FOLH1: variants seen among roughly 807,000 people sequenced by gnomAD.
FOLH1 encodes folate hydrolase 1.
In FOLH1, 54 loss-of-function variants were observed where a neutral mutation model predicts 93.9. That is an observed-to-expected ratio of 0.57 (90% CI 0.46 to 0.72). The LOEUF is 0.72. Among genes scored for constraint, FOLH1 ranks in the 30% least tolerant of loss-of-function variants. FOLH1 has a pLI of 0.00. For synonymous variants in FOLH1, 249 were observed against 303.6 expected (o/e 0.82, Z 1.87); for missense variants, 571 against 892.5 (o/e 0.64, Z 4.59).
chr11:49,208,260 T>G lies in FOLH1; in HGVS notation c.118+32A>C, dbSNP rs552950615. The G allele has an allele frequency of 2.8e-5, 41 of 1,440,226 alleles. No individual in the cohort carries two copies. The African/African-American group carries it at 5.5e-4, about 19-fold the overall frequency. 89.2% of individuals were successfully genotyped at this position (1,440,226 alleles called of 1,614,324 possible). On this transcript the variant is annotated intron_variant, in intron 1 of 18. Coordinates refer to ENST00000256999, the MANE Select transcript of FOLH1 (RefSeq NM_004476.3). The stretch of plus-strand genomic sequence containing the variant: ...AGCACCGCGGCACCACGGGGAAGAC[T>G]CCGAGGTTTGCTCCGCGAGGCGCCC...
chr11:49,164,059 G>A (rs1348335924), intron 13 of FOLH1, among the ~76,000 whole-genome samples: 2 of 152,108 alleles, frequency 1.3e-5, no homozygotes, highest in Non-Finnish European at 2.9e-5. Context: ...TTCAGTTGAA[G>A]GTGCTGTATT....
In FOLH1 at chr11:49,199,860, G is replaced by A. The variant is rs184780340; in HGVS notation, c.411+395C>T. 8.5e-3 allele frequency among the ~76,000 whole-genome samples: 1,282 copies of A among 151,618 alleles called. 17 individuals carry two copies. The highest frequency in any genetic ancestry group is 0.03 in the African/African-American group (1,233 of 41,280). On this transcript the variant is annotated intron_variant, in intron 3 of 18. Transcript: ENST00000256999. ...TGGGAGGTGGAGGTTGCAGTGAGCC[G>A]AGATGGCACCACTGCACTCCAGCCT...
At chr11:49,195,519 G>A (rs1453382150) in intron 3 of FOLH1, among the ~76,000 whole-genome samples, 3 of 151,930 alleles carry the variant, frequency 2.0e-5, no homozygotes, top group East Asian at 1.9e-4. Context: ...ACAAAGAACA[G>A]CAAAGTAAAC....
intron 7 of FOLH1, among the ~76,000 whole-genome samples, chr11:49,182,571 T>C (rs1274228963): frequency 6.6e-6 from 1 of 152,076 alleles, no homozygotes; most frequent in East Asian, 1.9e-4. Context: ...AATACATGAG[T>C]AAGAGATTTA....
chr11:49,181,063 T>A (rs1009135391), intron 7 of FOLH1, among the ~76,000 whole-genome samples: 3 of 151,976 alleles, frequency 2.0e-5, no homozygotes, highest in African/African-American at 4.8e-5. Context: ...ATATTATGCA[T>A]CCCTCTTTTG....
chr11:49,157,480 T>G (rs1334150476), intron 14 of FOLH1, among the ~76,000 whole-genome samples: 1 of 151,988 alleles, frequency 6.6e-6, no homozygotes, highest in Non-Finnish European at 1.5e-5. Flanking sequence ...CTCACAAAAA[T>G]TAAAGATTAG....
At chr11:49,167,825 GA>G (rs1721686180) in intron 12 of FOLH1, among the ~76,000 whole-genome samples, 2 of 144,326 alleles carry the variant, frequency 1.4e-5, no homozygotes, top group African/African-American at 5.0e-5. Context: ...CAAACAAGCA[GA>G]CAAACAAAAA....
chr11:49,166,673 C>A (rs560444668), intron 12 of FOLH1, among the ~76,000 whole-genome samples: 7 of 152,028 alleles, frequency 4.6e-5, no homozygotes, highest in Non-Finnish European at 7.4e-5. Flanking sequence ...TTAGAAATTT[C>A]AGAATCTATG....
intron 17 of FOLH1, among the ~76,000 whole-genome samples, chr11:49,151,442 ACAC>A (rs1328638397): frequency 2.0e-5 from 3 of 152,208 alleles, no homozygotes; most frequent in South Asian, 2.1e-4. Flanking sequence ...ACACACACAC[ACAC>A]TTCTCTTTCT....
intron 18 of FOLH1, 27 bp downstream of exon 18, chr11:49,148,612 G>T: frequency 6.8e-7 from 1 of 1,468,568 alleles, no homozygotes; most frequent in Admixed American, 2.2e-5. Flanking sequence ...TGATATTACA[G>T]AAAGGAGTCA....
intron 3 of FOLH1, among the ~76,000 whole-genome samples, chr11:49,198,092 A>G (rs1441446810): frequency 1.3e-5 from 2 of 151,806 alleles, no homozygotes; most frequent in African/African-American, 2.4e-5. Context: ...CTTTGGTAAC[A>G]TTATGCATGT....
chr11:49,176,991 C>T (rs1203750656), intron 7 of FOLH1, among the ~76,000 whole-genome samples: 1 of 152,220 alleles, frequency 6.6e-6, no homozygotes, highest in Non-Finnish European at 1.5e-5. Context: ...GCACTCCAGG[C>T]TGTGCGGTGC....
chr11:49,154,166 T>C (rs1307829231), intron 16 of FOLH1, 62 bp downstream of exon 16: 1 of 1,575,430 alleles, frequency 6.3e-7, no homozygotes, highest in Non-Finnish European at 8.6e-7. Context: ...GATAGCCCAT[T>C]ATATTTAGGA....
intron 8 of FOLH1, among the ~76,000 whole-genome samples, chr11:49,175,586 G>C (rs1355131636): frequency 1.3e-5 from 2 of 152,078 alleles, no homozygotes; most frequent in Non-Finnish European, 2.9e-5. Context: ...TGCATCTAAG[G>C]ACTTTTATCC....
At chr11:49,185,885 T>C in intron 5 of FOLH1, 30 bp from the exon 6 acceptor site, 1 of 1,505,210 alleles carries the variant, frequency 6.6e-7, no homozygotes, top group Non-Finnish European at 8.8e-7. Flanking sequence ...TCTTTCCTTA[T>C]TTTAAATTGG....
rs910571068 is a variant in FOLH1, at chr11:49,146,287, T to C, written c.*469A>G. On this transcript the variant is annotated 3_prime_UTR_variant, in exon 19 of 19. Coordinates refer to ENST00000256999, the MANE Select transcript of FOLH1 (RefSeq NM_004476.3). ...AGAGTGATAACATTTACTAAAAGTG[T>C]GATTTGATCCATTTCCCAAATAGTG... Among the ~76,000 whole-genome samples the C allele has an allele frequency of 6.6e-6, 1 of 152,224 alleles. No homozygotes were observed. The highest frequency in any genetic ancestry group is 1.5e-5 in the Non-Finnish European group (1 of 68,036).
intron 13 of FOLH1, among the ~76,000 whole-genome samples, chr11:49,159,327 T>C (rs1325904395): frequency 1.3e-5 from 2 of 152,240 alleles, no homozygotes; most frequent in Admixed American, 6.5e-5. Flanking sequence ...TTATTGATAG[T>C]TTTTAACATG....
At chr11:49,147,018 A>G in intron 18 of FOLH1, 73 bp from the exon 19 acceptor site, 2 of 1,505,228 alleles carry the variant, frequency 1.3e-6, no homozygotes, top group South Asian at 1.3e-5. Flanking sequence ...GCACTCTGCA[A>G]TTCCTGGATT....
At chr11:49,168,088 A>C (rs1858669245) in intron 12 of FOLH1, among the ~76,000 whole-genome samples, 1 of 150,754 alleles carries the variant, frequency 6.6e-6, no homozygotes, top group Non-Finnish European at 1.5e-5. Flanking sequence ...TTTATTTAAT[A>C]AGACGTTAGG....
Sources: gnomAD v4.1 joint callset for allele counts (sites outside exome capture counted in the v4.1 genomes callset) on GRCh38, gnomAD v4.1.1 for gene constraint, MANE v1.5 for transcripts, NCBI Gene and HGNC (gene_info 2026-07-23, HGNC 2026-07-21) for gene names.